The following SIM2 variants were observed in gnomAD, a reference collection of about 807,000 sequenced individuals.
SIM2 encodes the protein single-minded homolog 2.
A neutral mutation model predicts 64.8 loss-of-function variants in SIM2; 28 were observed. That is an observed-to-expected ratio of 0.43 (90% CI 0.32 to 0.59). The LOEUF (loss-of-function observed/expected upper bound fraction) is 0.59. Among genes scored for constraint, SIM2 ranks in the 20% least tolerant of loss-of-function variants. The pLI, the probability that SIM2 is intolerant of heterozygous loss-of-function variation, is 0.07. For synonymous variants in SIM2, 408 were observed against 391.1 expected (o/e 1.04, Z -0.51); for missense variants, 847 against 871.4 (o/e 0.97, Z 0.35).
At position 36,743,369 on chromosome 21, in the gene SIM2, C is replaced by A. The variant is rs749055349; in HGVS notation, c.999-18C>A. On this transcript the variant is annotated intron_variant, in intron 8 of 10. Coordinates refer to ENST00000290399, the MANE Select transcript of SIM2 (RefSeq NM_005069.6). Reference sequence around the variant, plus strand: ...CCAGCGCCTGCTGGACATGACTCGGCCCACTCTCGCCTTCCAGGGAGATTG... The same window carrying A: ...CCAGCGCCTGCTGGACATGACTCGGACCACTCTCGCCTTCCAGGGAGATTG... The A allele has an allele frequency of 6.2e-7, 1 of 1,602,816 alleles. No individual in the cohort carries two copies. Among genetic ancestry groups the A allele is most frequent in the Admixed American group, 1.7e-5 (1 of 58,200 alleles).
chr21:36,732,160 G>A (rs2088978629), intron 7 of SIM2, among the ~76,000 whole-genome samples: 1 of 152,214 alleles, frequency 6.6e-6, no homozygotes, highest in African/African-American at 2.4e-5. Context: ...TGGGATTACA[G>A]GCATGAGCCA....
At chr21:36,710,489 A>G (rs2088659771) in intron 2 of SIM2, 1 of 152,198 alleles carries the variant, frequency 6.6e-6, no homozygotes, top group Non-Finnish European at 1.5e-5. Context: ...ACAGAGCCTC[A>G]TCAACGACCC....
intron 2 of SIM2, among the ~76,000 whole-genome samples, chr21:36,711,490 C>T (rs1016122722): frequency 1.3e-5 from 2 of 152,224 alleles, no homozygotes; most frequent in African/African-American, 4.8e-5. Flanking sequence ...GTATTTGAGA[C>T]AGCAGAATCC....
At chr21:36,725,043 G>A (rs1792645269) in intron 5 of SIM2, among the ~76,000 whole-genome samples, 1 of 152,108 alleles carries the variant, frequency 6.6e-6, no homozygotes, top group African/African-American at 2.4e-5. Flanking sequence ...TAAAAATGAA[G>A]ACTTCAAAAA....
intron 2 of SIM2, among the ~76,000 whole-genome samples, chr21:36,712,225 C>T (rs1363187349): frequency 6.6e-6 from 1 of 152,170 alleles, no homozygotes; most frequent in African/African-American, 2.4e-5. Context: ...TAACCCCAAA[C>T]AATAAAGCTA....
rs1211868444 is a variant in SIM2 at position 36,699,645 on chromosome 21, T to C, written c.-102T>C. ...CCGCGGCCCACTCCGCGGACTCACC[T>C]GGCTCCCGGCTCCCCCTTCCCCATC... On this transcript the variant is annotated 5_prime_UTR_variant, in exon 1 of 11. Coordinates refer to ENST00000290399, the MANE Select transcript of SIM2 (RefSeq NM_005069.6). This position sits in a 1 kb window ranked among gnomAD's most constrained non-coding sequence, Gnocchi z 5.6. 2 of 1,381,498 alleles carry C rather than the reference T, an allele frequency of 1.4e-6. No homozygotes were observed. Among genetic ancestry groups the C allele is most frequent in the Non-Finnish European group, 1.9e-6 (2 of 1,030,238 alleles). The allele number at this position is 1,381,498 out of a possible 1,614,324, so 85.6% of individuals were successfully genotyped here.
intron 7 of SIM2, among the ~76,000 whole-genome samples, chr21:36,737,396 T>C (rs2056874461): frequency 1.3e-5 from 2 of 152,062 alleles, no homozygotes; most frequent in Admixed American, 6.5e-5. Flanking sequence ...CTTTGTTTCA[T>C]GTTTGGGAGA....
intron 2 of SIM2, among the ~76,000 whole-genome samples, chr21:36,711,983 C>T (rs1456945858): frequency 6.6e-6 from 1 of 152,144 alleles, no homozygotes; most frequent in Non-Finnish European, 1.5e-5. Flanking sequence ...ATAATTAATT[C>T]TGTAGACATA....
intron 7 of SIM2, among the ~76,000 whole-genome samples, chr21:36,732,461 C>T (rs1039550745): frequency 2.6e-5 from 4 of 152,172 alleles, no homozygotes; most frequent in African/African-American, 7.2e-5. Flanking sequence ...TCCACAGATG[C>T]GTGGTGTGCT....
chr21:36,733,813 G>A (rs569239870), intron 7 of SIM2, among the ~76,000 whole-genome samples: 13 of 152,030 alleles, frequency 8.6e-5, no homozygotes, highest in East Asian at 7.8e-4. Flanking sequence ...CGCCCGCCTC[G>A]GCCTCCCATA....
At chr21:36,744,636 G>T in intron 9 of SIM2, 92 bp from the exon 10 acceptor site, 1 of 1,456,696 alleles carries the variant, frequency 6.9e-7, no homozygotes, top group Non-Finnish European at 9.1e-7. Flanking sequence ...CTTGGATGGG[G>T]TTGGGCCCCG....
intron 7 of SIM2, among the ~76,000 whole-genome samples, chr21:36,735,521 C>A (rs746530398): frequency 1.1e-4 from 17 of 152,254 alleles, no homozygotes; most frequent in African/African-American, 4.1e-4. Context: ...GGAAGCCCAT[C>A]CCCCACACTC....
chr21:36,749,008 G>A lies in SIM2; in HGVS notation c.*916G>A, dbSNP rs1375222785. 6.6e-6 allele frequency: 1 copy of A among 152,574 alleles called. No homozygotes were observed. Among genetic ancestry groups the A allele is most frequent in the Non-Finnish European group, 1.5e-5 (1 of 68,026 alleles). The allele number at this position is 152,574 out of a possible 1,614,324, so 9.5% of individuals were successfully genotyped here. A position where few individuals can be genotyped will look rare whatever the true frequency, so the allele number is the denominator to read the frequency against. ...ACGTGCAATACGGAACACTGTCAAT[G>A]GACTGCACCTTGTGAAGGAAAAACA... is the stretch of plus-strand genomic sequence containing the variant. On this transcript the variant is annotated 3_prime_UTR_variant, in exon 11 of 11. Coordinates refer to ENST00000290399, the MANE Select transcript of SIM2 (RefSeq NM_005069.6).
rs117350962 is a variant in SIM2 at position 36,747,390 on chromosome 21, C to G, written c.1577-275C>G. Among the ~76,000 whole-genome samples, 552 of 152,246 alleles carry G rather than the reference C, an allele frequency of 3.6e-3. 8 individuals are homozygous for G. The highest frequency in any genetic ancestry group is 0.024 in the Admixed American group (367 of 15,290). On this transcript the variant is annotated intron_variant, in intron 10 of 10. Coordinates refer to ENST00000290399, the MANE Select transcript of SIM2 (RefSeq NM_005069.6). The surrounding 1 kb of genome is among the most constrained non-coding windows in gnomAD (Gnocchi z 4.5). ...TCCCAATAATTGTTTCACACGGATT[C>G]CATTGAGAGAGTATTTTGGATATGC...
chr21:36,736,454 C>A (rs922911959), intron 7 of SIM2, among the ~76,000 whole-genome samples: 1 of 152,222 alleles, frequency 6.6e-6, no homozygotes, highest in African/African-American at 2.4e-5. Context: ...ATTATCTTCA[C>A]TGGGAGCAAG....
chr21:36,741,941 A>T, intron 8 of SIM2, 77 bp downstream of exon 8: 1 of 1,325,110 alleles, frequency 7.5e-7, no homozygotes, highest in Non-Finnish European at 1.0e-6. Flanking sequence ...AATAAGCACC[A>T]TCTCTCTTTC....
intron 6 of SIM2, among the ~76,000 whole-genome samples, chr21:36,729,710 C>T (rs1329990421): frequency 6.6e-6 from 1 of 152,040 alleles, no homozygotes; most frequent in Non-Finnish European, 1.5e-5. Context: ...ATCCCTCTCT[C>T]TTTCATCTGT....
intron 9 of SIM2, 144 bp from the exon 10 acceptor site, chr21:36,744,583 TC>T: frequency 1.9e-5 from 19 of 975,072 alleles, no homozygotes; most frequent in Middle Eastern, 3.3e-4. Flanking sequence ...TGTGTGCCTG[TC>T]CCCAGTGGGA....
intron 2 of SIM2, chr21:36,709,721 C>A: frequency 3.1e-6 from 1 of 321,110 alleles, no homozygotes; most frequent in African/African-American, 2.3e-5. Flanking sequence ...TTAACAGGAG[C>A]ACTTGTCCAG....
Sources: gnomAD v4.1 joint callset for allele counts (sites outside exome capture counted in the v4.1 genomes callset) on GRCh38, gnomAD v4.1.1 for gene constraint, Gnocchi (gnomAD v3.1) non-coding constraint, MANE v1.5 for transcripts, NCBI Gene and HGNC (gene_info 2026-07-23, HGNC 2026-07-21) for gene names.